The following IVD variants were observed in gnomAD, a reference collection of about 807,000 sequenced individuals.
The protein encoded by IVD is isovaleryl-CoA dehydrogenase, mitochondrial.
Under a neutral mutation model 51.3 loss-of-function variants are expected in IVD, and 31 were observed. The observed-to-expected ratio is 0.60, with a 90% CI of 0.45 to 0.81. The LOEUF (loss-of-function observed/expected upper bound fraction) is 0.81. Ranked by LOEUF, IVD falls within the 40% of genes least tolerant of loss-of-function variation. The pLI, the probability that IVD is intolerant of heterozygous loss-of-function variation, is 0.00. For missense variants in IVD, 475 were observed against 552.0 expected (o/e 0.86, Z 1.40); for synonymous variants, 205 against 219.4 (o/e 0.93, Z 0.58).
At chr15:40,413,871 T>G (rs1369806284) in intron 7 of IVD, among the ~76,000 whole-genome samples, 5 of 151,898 alleles carry the variant, frequency 3.3e-5, no homozygotes, top group Admixed American at 6.6e-5. Context: ...TTTTGTTTGT[T>G]TTTTTGAGAT....
intron 7 of IVD, 146 bp from the exon 8 acceptor site, chr15:40,414,743 T>G: frequency 1.4e-6 from 2 of 1,407,514 alleles, no homozygotes; most frequent in Non-Finnish European, 1.9e-6. Context: ...GATCCTTTTC[T>G]TTCACCTGGA....
At chr15:40,424,225 T>TAAGG, downstream of IVD, 1 of 1,283,552 alleles carries the variant, frequency 7.8e-7, no homozygotes, top group Middle Eastern at 2.1e-4. Flanking sequence ...CTGTAAGATC[T>TAAGG]AAGGCTTGGC....
chr15:40,415,482 G>A lies in IVD; in HGVS notation c.960G>A (p.Gln320=). The A allele has an allele frequency of 6.2e-7, 1 of 1,613,594 alleles. No individual in the cohort carries two copies. Among genetic ancestry groups the A allele is most frequent in the Non-Finnish European group, 8.5e-7 (1 of 1,179,624 alleles). Residue 320 remains glutamine (Q), a splice_region_variant and synonymous_variant, in exon 9 of 12, where the codon CAG becomes CAA. Coordinates refer to ENST00000487418, the MANE Select transcript of IVD (RefSeq NM_002225.5). ...TTGGCCAGAAGATCGGCCACTTCCA[G>A]GTGAGCCGAGTGCTTTTGCTGACAT... The part of the protein sequence containing the change: ...EAFGQKIGHF[Q]LMQGKMADMY...
Position 40,418,118 on chromosome 15 carries a change from C to T in IVD, c.1139-12C>T, listed in dbSNP as rs1447931337. ...TCACTTCCTTTCTTCTCTGCCCAAA[C>T]CCTGGTTGCAGGTGGCAATGGCTAC... is the stretch of plus-strand genomic sequence containing the variant. On this transcript the variant is annotated splice_polypyrimidine_tract_variant and intron_variant, in intron 11 of 11. Transcript: ENST00000487418. The T allele has an allele frequency of 2.5e-6, 4 of 1,613,898 alleles. No individual in the cohort carries two copies. The highest frequency in any genetic ancestry group is 3.4e-6 in the Non-Finnish European group (4 of 1,179,964).
chr15:40,432,205 A>C (rs531124744), intron 7 of IVD, among the ~76,000 whole-genome samples: 2 of 152,208 alleles, frequency 1.3e-5, no homozygotes, highest in South Asian at 4.1e-4. Context: ...CGGCCCCCCA[A>C]AGTGCTGGAA....
chr15:40,420,333 C>T lies in IVD; in HGVS notation c.*2070C>T, dbSNP rs187887699. 8.9e-4 allele frequency: 878 copies of T among 987,682 alleles called. 6 individuals are homozygous for T. The South Asian group carries it at 0.017, about 19-fold the overall frequency. 61.2% of individuals were successfully genotyped at this position (987,682 alleles called of 1,614,324 possible). A position where few individuals can be genotyped will look rare whatever the true frequency, so the allele number is the denominator to read the frequency against. ...CTACCCGAGCAGGCCGGAGTTGGCT[C>T]GCATGACTCCAGCTGAGGCTGCCTG... On this transcript the variant is annotated 3_prime_UTR_variant, in exon 12 of 12. Coordinates refer to ENST00000487418, the MANE Select transcript of IVD (RefSeq NM_002225.5).
At position 40,416,121 on chromosome 15, in the gene IVD, C is replaced by A. The variant is rs760225169; in HGVS notation, c.1004C>A (p.Ala335Glu). ...GCTGACATGTACACCCGCCTCATGG[C>A]GTGTCGGCAGTATGTCTACAATGTC... ...KMADMYTRLM[A>E]CRQYVYNVAK... is the part of the protein sequence containing the mutation. Residue 335 changes from alanine to glutamate, a missense_variant, in exon 10 of 12, where the codon GCG becomes GAG. Transcript: ENST00000487418. 6.2e-7 allele frequency: 1 copy of A among 1,614,246 alleles called. No individual in the cohort carries two copies. Among genetic ancestry groups the A allele is most frequent in the Admixed American group, 1.7e-5 (1 of 60,028 alleles).
At position 40,420,516 on chromosome 15, in the gene IVD, T is replaced by C; in HGVS notation, c.*2253T>C. The C allele has an allele frequency of 1.0e-6, 1 of 987,554 alleles. No homozygotes were observed. Among genetic ancestry groups the C allele is most frequent in the Non-Finnish European group, 1.2e-6 (1 of 830,118 alleles). The allele number at this position is 987,554 out of a possible 1,614,324, so 61.2% of individuals were successfully genotyped here. ...GGATCCAGCTTGTGTCCTTGGAGAG[T>C]GGCTGGCCCAGGTCCTATTCCTGTC... On this transcript the variant is annotated 3_prime_UTR_variant, in exon 12 of 12. Transcript: ENST00000487418.
At chr15:40,433,300 C>T (rs1461939683) in intron 7 of IVD, among the ~76,000 whole-genome samples, 1 of 152,234 alleles carries the variant, frequency 6.6e-6, no homozygotes, top group East Asian at 1.9e-4. Context: ...TTTGAGAGTA[C>T]ATTTACCTAC....
rs1312653022 is a variant in IVD, at chr15:40,407,443, C to T, written c.145-193C>T. 2.0e-5 allele frequency among the ~76,000 whole-genome samples: 3 copies of T among 152,200 alleles called. No homozygotes were observed. The East Asian group carries it at 5.8e-4, about 29-fold the overall frequency. Reference sequence around the variant, plus strand: ...GTAAAGTGTGACGTTTTAAAAATTACCATCAAGCTGTCTAGGCTGAAGACC... The same window carrying T: ...GTAAAGTGTGACGTTTTAAAAATTATCATCAAGCTGTCTAGGCTGAAGACC... On this transcript the variant is annotated intron_variant, in intron 1 of 11. Coordinates refer to ENST00000487418, the MANE Select transcript of IVD (RefSeq NM_002225.5).
At chr15:40,411,157 G>C (rs185945652) in intron 4 of IVD, 103 bp from the exon 5 acceptor site, 16 of 1,135,588 alleles carry the variant, frequency 1.4e-5, no homozygotes, top group East Asian at 2.3e-5. Flanking sequence ...GTCTGAGAGC[G>C]AAGTTTGAAG....
rs572858305 is a variant in IVD at position 40,413,099 on chromosome 15, C to T, written c.784+12C>T. 1.5e-5 allele frequency: 24 copies of T among 1,603,038 alleles called. No homozygotes were observed. The highest frequency in any genetic ancestry group is 4.4e-5 in the South Asian group (4 of 90,736). On this transcript the variant is annotated intron_variant, in intron 7 of 11. Transcript: ENST00000487418. The stretch of plus-strand genomic sequence containing the variant: ...CTGCAAGATTCCTGGTAAGTAGCAC[C>T]GGGAATCGGGGAGCCCCTCTCCTGA...
At chr15:40,417,626 C>T (rs1046016739) in intron 11 of IVD, among the ~76,000 whole-genome samples, 1 of 151,974 alleles carries the variant, frequency 6.6e-6, no homozygotes, top group Non-Finnish European at 1.5e-5. Context: ...GTACGTGAAT[C>T]GTCCCTTTGT....
intron 7 of IVD, among the ~76,000 whole-genome samples, chr15:40,432,064 A>G (rs1315486087): frequency 2.0e-5 from 3 of 151,392 alleles, no homozygotes; most frequent in Admixed American, 1.3e-4. Context: ...CCCAGGTTCA[A>G]GCGATTCTTA....
chr15:40,415,084 C>A, intron 8 of IVD, 102 bp downstream of exon 8: 4 of 1,358,698 alleles, frequency 2.9e-6, no homozygotes, highest in East Asian at 2.4e-5. Context: ...CCAAAGGGAG[C>A]TGCCTCTTGG....
At position 40,418,812 on chromosome 15, in the gene IVD, A is replaced by C; in HGVS notation, c.*549A>C. 9.5e-7 allele frequency: 1 copy of C among 1,051,920 alleles called. No homozygotes were observed. The highest frequency in any genetic ancestry group is 1.2e-6 in the Non-Finnish European group (1 of 854,720). The allele number at this position is 1,051,920 out of a possible 1,614,324, so 65.2% of individuals were successfully genotyped here. ...TTTGGATAAGGCAAATTCAACTTTC[A>C]GTCTCTTTTCTGGGGGAAAAAAATA... On this transcript the variant is annotated 3_prime_UTR_variant, in exon 12 of 12. Transcript: ENST00000487418.
chr15:40,433,831 T>A (rs777644330), intron 7 of IVD: 1 of 456,710 alleles, frequency 2.2e-6, no homozygotes, highest in South Asian at 1.5e-5. Context: ...TGGACCATGT[T>A]TAATTTCCCT....
chr15:40,427,669 G>A (rs553899570), downstream of IVD, among the ~76,000 whole-genome samples: 17 of 152,274 alleles, frequency 1.1e-4, no homozygotes, highest in South Asian at 3.1e-3. Context: ...ATAGTTAAAT[G>A]AAATTTACTA....
rs927767591 is a variant in IVD at position 40,412,353 on chromosome 15, G to A, written c.688-638G>A. ...CCCTGTGAAGGCTGGGGCCACGAGT[G>A]GGGGAGTTGGCAAGAGTTTCATGAG... is the stretch of plus-strand genomic sequence containing the variant. On this transcript the variant is annotated intron_variant, in intron 6 of 11. Transcript: ENST00000487418. 3.9e-5 allele frequency among the ~76,000 whole-genome samples: 6 copies of A among 152,202 alleles called. No individual in the cohort carries two copies. In the South Asian group the frequency reaches 6.2e-4, roughly 16 times the overall value.
Sources: gnomAD v4.1 joint callset for allele counts (sites outside exome capture counted in the v4.1 genomes callset) on GRCh38, gnomAD v4.1.1 for gene constraint, MANE v1.5 for transcripts, NCBI Gene and HGNC (gene_info 2026-07-23, HGNC 2026-07-21) for gene names.